TNKS: variants seen among roughly 807,000 people sequenced by gnomAD.
TNKS encodes tankyrase.
A neutral mutation model predicts 135.8 loss-of-function variants in TNKS; 72 were observed. The ratio of observed to expected loss-of-function variants is 0.53; its 90% CI spans 0.44 to 0.64. The LOEUF is 0.64. TNKS is among the 30% of genes least tolerant of loss of function. The pLI is 0.00. For missense variants in TNKS, 1,769 were observed against 1,674.0 expected (o/e 1.06, Z -0.99); for synonymous variants, 849 against 649.3 (o/e 1.31, Z -4.68).
At chr8:9,608,400 A>G (rs1209403947) in intron 2 of TNKS, among the ~76,000 whole-genome samples, 1 of 152,082 alleles carries the variant, frequency 6.6e-6, no homozygotes, top group African/African-American at 2.4e-5. Flanking sequence ...ACTAACGTTG[A>G]TGCTAAGGTG....
chr8:9,685,444 T>G (rs1420772995), intron 5 of TNKS, among the ~76,000 whole-genome samples: 1 of 152,170 alleles, frequency 6.6e-6, no homozygotes, highest in Non-Finnish European at 1.5e-5. Context: ...CACAGTAACC[T>G]TTAGAAAATT....
At chr8:9,712,037 A>C (rs1195479578) in intron 11 of TNKS, among the ~76,000 whole-genome samples, 3 of 152,266 alleles carry the variant, frequency 2.0e-5, no homozygotes, top group African/African-American at 7.2e-5. Context: ...AATTTCAATG[A>C]AAGCCTTAGC....
chr8:9,575,520 A>G, intron 1 of TNKS: 2 of 642,886 alleles, frequency 3.1e-6, no homozygotes, highest in Non-Finnish European at 3.9e-6. Context: ...TTCAACTCAC[A>G]CCATAGTTAC....
At chr8:9,693,501 A>G (rs1049030744) in intron 5 of TNKS, among the ~76,000 whole-genome samples, 2 of 152,154 alleles carry the variant, frequency 1.3e-5, no homozygotes, top group East Asian at 3.9e-4. Flanking sequence ...TATTTTCTCT[A>G]CTGTTTGAAT....
chr8:9,680,870 A>G, intron 5 of TNKS, 70 bp downstream of exon 5: 2 of 1,162,818 alleles, frequency 1.7e-6, no homozygotes, highest in Non-Finnish European at 2.6e-6. Context: ...GCATATATAT[A>G]TATAAGCACG....
chr8:9,611,854 G>C (rs531237608), intron 2 of TNKS, among the ~76,000 whole-genome samples: 44 of 152,108 alleles, frequency 2.9e-4, no homozygotes, highest in Non-Finnish European at 5.9e-4. Context: ...AGTGCTCCTG[G>C]TCTCAACTTT....
intron 3 of TNKS, among the ~76,000 whole-genome samples, chr8:9,662,347 A>C (rs528685838): frequency 3.3e-5 from 5 of 152,344 alleles, no homozygotes; most frequent in East Asian, 1.9e-4. Flanking sequence ...AACCAACCCA[A>C]ATGTCCATCA....
intron 5 of TNKS, among the ~76,000 whole-genome samples, chr8:9,681,531 C>G (rs1802783552): frequency 6.6e-6 from 1 of 151,702 alleles, no homozygotes; most frequent in Non-Finnish European, 1.5e-5. Context: ...GCACTCTGTA[C>G]CATAAAGTTG....
chr8:9,571,517 G>A (rs1468637592), intron 1 of TNKS, among the ~76,000 whole-genome samples: 1 of 152,116 alleles, frequency 6.6e-6, no homozygotes, highest in East Asian at 1.9e-4. Context: ...GAGTGCAGTG[G>A]TGCAATCTTG....
intron 5 of TNKS, among the ~76,000 whole-genome samples, chr8:9,693,970 C>T (rs540120559): frequency 6.6e-6 from 1 of 152,298 alleles, no homozygotes; most frequent in African/African-American, 2.4e-5. Flanking sequence ...CAGGACAAGT[C>T]AGTCATGGTA....
At chr8:9,589,529 C>T (rs944290857) in intron 2 of TNKS, among the ~76,000 whole-genome samples, 1 of 152,242 alleles carries the variant, frequency 6.6e-6, no homozygotes, top group Non-Finnish European at 1.5e-5. Flanking sequence ...GAGGTCTTGG[C>T]TTCAAGTCCA....
Position 9,594,956 on chromosome 8 carries a change from A to C in TNKS, c.898+14573A>C, listed in dbSNP as rs1056031311. On this transcript the variant is annotated intron_variant, in intron 2 of 26. Transcript: ENST00000310430. ...TTTATAAATGAGCTAGGTTAAGAAA[A>C]GTCATTTCTCACACCTTCTTTACTG... Among the ~76,000 whole-genome samples the C allele has an allele frequency of 5.3e-5, 8 of 152,192 alleles. No homozygotes were observed. In the East Asian group the frequency reaches 1.5e-3, roughly 29 times the overall value.
At chr8:9,594,054 G>A (rs1021355846) in intron 2 of TNKS, among the ~76,000 whole-genome samples, 5 of 151,880 alleles carry the variant, frequency 3.3e-5, no homozygotes, top group African/African-American at 1.2e-4. Context: ...GCATGGCTAT[G>A]TTTTGTATTT....
intron 17 of TNKS, among the ~76,000 whole-genome samples, chr8:9,735,799 C>A (rs34638769): frequency 0.1 from 15,805 of 151,762 alleles, 1,250 homozygotes; most frequent in Admixed American, 0.24. Flanking sequence ...GACTCTGACT[C>A]AAAATAAATA....
intron 3 of TNKS, among the ~76,000 whole-genome samples, chr8:9,657,817 G>T (rs542970124): frequency 1.3e-5 from 2 of 149,898 alleles, no homozygotes; most frequent in African/African-American, 4.9e-5. Flanking sequence ...GGCGGCTGCC[G>T]GGCGGAGAGG....
intron 21 of TNKS, 62 bp from the exon 22 acceptor site, chr8:9,763,085 T>A (rs1404704444): frequency 4.3e-4 from 245 of 569,210 alleles, no homozygotes; most frequent in African/African-American, 3.4e-3. Flanking sequence ...TTTTTTTTTT[T>A]ATAAAATAGA....
chr8:9,582,177 T>C (rs1486712078), intron 2 of TNKS, among the ~76,000 whole-genome samples: 1 of 152,254 alleles, frequency 6.6e-6, no homozygotes, highest in Non-Finnish European at 1.5e-5. Context: ...AGGTTTATTC[T>C]GAGGTTCACT....
chr8:9,578,178 A>T (rs1170738707), intron 1 of TNKS, among the ~76,000 whole-genome samples: 1 of 152,142 alleles, frequency 6.6e-6, no homozygotes, highest in Non-Finnish European at 1.5e-5. Context: ...GGTGCTGATT[A>T]GGGAAATGGA....
At chr8:9,696,366 A>T (rs890938071) in intron 5 of TNKS, among the ~76,000 whole-genome samples, 1 of 152,150 alleles carries the variant, frequency 6.6e-6, no homozygotes, top group Non-Finnish European at 1.5e-5. Context: ...ATCGATACCA[A>T]ATAATGCTAA....
Sources: allele counts gnomAD v4.1 joint callset (sites outside exome capture counted in the v4.1 genomes callset), GRCh38; gene constraint gnomAD v4.1.1; transcripts MANE v1.5; gene names NCBI Gene and HGNC (gene_info 2026-07-23, HGNC 2026-07-21).